CSMD1: variants seen among roughly 807,000 people sequenced by gnomAD.
CSMD1 encodes the protein CUB and Sushi multiple domains 1, also known as CUB and sushi domain-containing protein 1.
CSMD1 carries 213 observed loss-of-function variants against 417.5 expected under a neutral mutation model. The observed-to-expected ratio is 0.51, with a 90% confidence interval of 0.46 to 0.57. The LOEUF is 0.57. Ranked by LOEUF, CSMD1 falls within the 20% of genes least tolerant of loss-of-function variation. The pLI is 0.00. For missense variants in CSMD1, 6,923 were observed against 4,529.7 expected (o/e 1.53, Z -15.17); for synonymous variants, 2,862 against 1,736.8 (o/e 1.65, Z -16.11).
chr8:4,146,321 C>T (rs558563304), intron 3 of CSMD1, among the ~76,000 whole-genome samples: 1 of 150,940 alleles, frequency 6.6e-6, no homozygotes, highest in East Asian at 1.9e-4. Context: ...GTGTCTGACA[C>T]ATCCAAAGCA....
rs1244433408 is a variant in CSMD1 at position 3,891,651 on chromosome 8, A to T, written c.818+106252T>A. On this transcript the variant is annotated intron_variant, in intron 5 of 69. Coordinates refer to ENST00000635120, the MANE Select transcript of CSMD1 (RefSeq NM_033225.6). Reference sequence around the variant, plus strand: ...TGAGCTGTGATCACACCACTGCACTAGAGCCTAGGTGACAAAGCAAGACCT... The same window carrying T: ...TGAGCTGTGATCACACCACTGCACTTGAGCCTAGGTGACAAAGCAAGACCT... Among the ~76,000 whole-genome samples, 4 of 151,552 alleles carry T rather than the reference A, an allele frequency of 2.6e-5. No individual in the cohort carries two copies. In the East Asian group the frequency reaches 7.8e-4, roughly 30 times the overall value.
chr8:4,418,176 G>C (rs944151591), intron 3 of CSMD1, among the ~76,000 whole-genome samples: 2 of 151,504 alleles, frequency 1.3e-5, no homozygotes, highest in African/African-American at 2.4e-5. Context: ...GTCAACATCA[G>C]ACTATAATAT....
In CSMD1 at chr8:2,973,106, TG is replaced by T. The variant is rs762552453; in HGVS notation, c.8923+10del. 7.3e-5 allele frequency: 117 copies of T among 1,611,724 alleles called. No individual in the cohort carries two copies. The highest frequency in any genetic ancestry group is 9.4e-5 in the Non-Finnish European group (111 of 1,178,870). On this transcript the variant is annotated intron_variant, in intron 57 of 69. Transcript: ENST00000635120. The stretch of plus-strand genomic sequence containing the variant: ...CTTTCAAGGTGGACCTTAAGGCTTC[TG>T]GCTACTCACCCTCACACACCGGCTG...
At chr8:3,951,163 T>C (rs1303793747) in intron 5 of CSMD1, among the ~76,000 whole-genome samples, 2 of 152,160 alleles carry the variant, frequency 1.3e-5, no homozygotes, top group African/African-American at 4.8e-5. Context: ...AAGACAGAAG[T>C]TTTGAAGCAA....
chr8:3,736,230 T>C (rs1030693960), intron 6 of CSMD1, among the ~76,000 whole-genome samples: 1 of 152,094 alleles, frequency 6.6e-6, no homozygotes, highest in African/African-American at 2.4e-5. Flanking sequence ...TGTGTGTGTG[T>C]GTATTTTTTT....
chr8:3,320,030 CTGG>C (rs1563268719), intron 23 of CSMD1, among the ~76,000 whole-genome samples: 54 of 152,294 alleles, frequency 3.5e-4, no homozygotes, highest in African/African-American at 1.2e-3. Context: ...TCAGGAGTGT[CTGG>C]CCCAGAACCT....
chr8:4,668,878 CA>C (rs1236532256), intron 1 of CSMD1, among the ~76,000 whole-genome samples: 2 of 152,088 alleles, frequency 1.3e-5, no homozygotes, highest in African/African-American at 4.8e-5. Context: ...CTATTAAATT[CA>C]GGTTGAATCT....
At chr8:4,426,396 C>G (rs1333983536) in intron 2 of CSMD1, among the ~76,000 whole-genome samples, 1 of 148,306 alleles carries the variant, frequency 6.7e-6, no homozygotes, top group Non-Finnish European at 1.5e-5. Context: ...TATAGTAAAC[C>G]TTTTTATATA....
chr8:3,416,977 C>T (rs1813195800), intron 12 of CSMD1, among the ~76,000 whole-genome samples: 1 of 152,202 alleles, frequency 6.6e-6, no homozygotes, highest in Non-Finnish European at 1.5e-5. Flanking sequence ...CTCTAAATCT[C>T]AATAGATGAC....
chr8:4,950,883 G>T (rs7004731), intron 1 of CSMD1, among the ~76,000 whole-genome samples: 3,974 of 151,818 alleles, frequency 0.026, 50 homozygotes, highest in Middle Eastern at 0.079. Flanking sequence ...AAAAGTACCA[G>T]GGTGGCAAAC....
At chr8:3,790,061 G>A (rs985352642) in intron 5 of CSMD1, among the ~76,000 whole-genome samples, 4 of 152,168 alleles carry the variant, frequency 2.6e-5, no homozygotes, top group African/African-American at 9.7e-5. Context: ...TAAGAAATTA[G>A]AGAATGTCAA....
chr8:2,958,667 C>G (rs1368254120), intron 62 of CSMD1, among the ~76,000 whole-genome samples: 1 of 152,222 alleles, frequency 6.6e-6, no homozygotes, highest in Non-Finnish European at 1.5e-5. Flanking sequence ...AAGCAGCCCC[C>G]AGGGAAGGCG....
chr8:3,397,877 G>T (rs1040716513), intron 16 of CSMD1, among the ~76,000 whole-genome samples: 1 of 152,124 alleles, frequency 6.6e-6, no homozygotes, highest in Non-Finnish European at 1.5e-5. Context: ...GAATTTGTGC[G>T]CACAATCCCA....
At position 4,805,736 on chromosome 8, in the gene CSMD1, A is replaced by T. The variant is rs145813705; in HGVS notation, c.86-168178T>A. Among the ~76,000 whole-genome samples the T allele has an allele frequency of 1.1e-3, 165 of 152,310 alleles. 1 individual carries two copies. The highest frequency in any genetic ancestry group is 1.2e-3 in the Non-Finnish European group (79 of 68,034). ...AAGCATTATATTATAATTTGTTCAA[A>T]TTCCAGACCCTGTCATATTCCATTA... On this transcript the variant is annotated intron_variant, in intron 1 of 69. Transcript: ENST00000635120.
At chr8:3,578,206 G>A (rs564839746) in intron 9 of CSMD1, among the ~76,000 whole-genome samples, 42 of 152,300 alleles carry the variant, frequency 2.8e-4, no homozygotes, top group African/African-American at 9.1e-4. Flanking sequence ...AAAAAATTAG[G>A]TATTTGGAAA....
chr8:3,374,320 T>C (rs79838345), intron 18 of CSMD1, among the ~76,000 whole-genome samples: 1,869 of 152,228 alleles, frequency 0.012, 46 homozygotes, highest in East Asian at 0.086. Context: ...ATCTATCCCA[T>C]CCTGCATTTA....
At chr8:4,159,382 G>C (rs10102557) in intron 3 of CSMD1, among the ~76,000 whole-genome samples, 48,572 of 151,984 alleles carry the variant, frequency 0.32, 8,063 homozygotes, top group South Asian at 0.42. Context: ...CCCACTATGT[G>C]ATATCTACCG....
intron 23 of CSMD1, among the ~76,000 whole-genome samples, chr8:3,314,854 G>T (rs761042748): frequency 6.6e-6 from 1 of 152,200 alleles, no homozygotes; most frequent in Non-Finnish European, 1.5e-5. Flanking sequence ...CAAGAGAACC[G>T]GCTCCAGACT....
At chr8:4,741,023 A>T (rs568104919) in intron 1 of CSMD1, among the ~76,000 whole-genome samples, 1 of 152,348 alleles carries the variant, frequency 6.6e-6, no homozygotes, top group South Asian at 2.1e-4. Context: ...TAGAACCGAA[A>T]GTCCTAGTAA....
Sources: gnomAD v4.1 joint callset for allele counts (sites outside exome capture counted in the v4.1 genomes callset) on GRCh38, gnomAD v4.1.1 for gene constraint, MANE v1.5 for transcripts, NCBI Gene and HGNC (gene_info 2026-07-23, HGNC 2026-07-21) for gene names.